Variants in CTNNA3 observed in about 807,000 individuals in gnomAD.
The protein encoded by CTNNA3 is catenin alpha-3.
Under a neutral mutation model 95.7 loss-of-function variants are expected in CTNNA3, and 76 were observed. The ratio of observed to expected loss-of-function variants is 0.79; its 90% CI spans 0.66 to 0.96. The LOEUF is 0.96. CTNNA3 is among the 40% of genes least tolerant of loss of function. CTNNA3 has a pLI of 0.00. For missense variants in CTNNA3, 1,191 were observed against 1,089.8 expected (o/e 1.09, Z -1.31); for synonymous variants, 431 against 374.4 (o/e 1.15, Z -1.74).
intron 12 of CTNNA3, among the ~76,000 whole-genome samples, chr10:66,337,368 A>G (rs191188949): frequency 4.1e-4 from 63 of 152,238 alleles, no homozygotes; most frequent in African/African-American, 1.4e-3. Flanking sequence ...ATTTGGAAGA[A>G]TAGCAACTAC....
chr10:66,659,670 T>A (rs1332761137), intron 9 of CTNNA3, among the ~76,000 whole-genome samples: 1 of 152,094 alleles, frequency 6.6e-6, no homozygotes, highest in Non-Finnish European at 1.5e-5. Flanking sequence ...ATGAATGGGA[T>A]TAGTGGCTTT....
At chr10:67,120,782 A>T (rs565139687) in intron 7 of CTNNA3, among the ~76,000 whole-genome samples, 1 of 152,138 alleles carries the variant, frequency 6.6e-6, no homozygotes, top group Non-Finnish European at 1.5e-5. Flanking sequence ...AAGAAAAGTT[A>T]TCCTGTTTTG....
At chr10:67,673,672 T>G (rs1431659534) in intron 1 of CTNNA3, among the ~76,000 whole-genome samples, 3 of 149,854 alleles carry the variant, frequency 2.0e-5, no homozygotes, top group Admixed American at 2.0e-4. Context: ...TTTATTGATT[T>G]GCGTATGTTG....
rs927605119 is a variant in CTNNA3, at chr10:67,489,805, T to TATATATATATATATATAC, written c.579+32036_579+32037insGTATATATATATATATAT. The stretch of plus-strand genomic sequence containing the variant: ...ACATGATTTTATATATATATATATA[T>TATATATATATATATATAC]ACACACATTAGGTGTGTGTATATAC... On this transcript the variant is annotated intron_variant, in intron 5 of 17. Coordinates refer to ENST00000433211, the MANE Select transcript of CTNNA3 (RefSeq NM_013266.4). Among the ~76,000 whole-genome samples, 118 of 148,944 alleles carry TATATATATATATATATAC rather than the reference T, an allele frequency of 7.9e-4. 1 individual carries two copies. Among genetic ancestry groups the TATATATATATATATATAC allele is most frequent in the African/African-American group, 2.8e-3 (114 of 40,098 alleles).
At position 65,914,785 on chromosome 10, in the gene CTNNA3, A is replaced by T. The variant is rs2076986182; in HGVS notation, c.*5545T>A. On this transcript the variant is annotated 3_prime_UTR_variant, in exon 18 of 18. Transcript: ENST00000433211. ...GTAATTTGGCAAAGGTTGTCCTCTT[A>T]TTTCAGATCACGTAAATAACTTACT... The T allele has an allele frequency of 6.6e-6, 1 of 152,166 alleles. No individual in the cohort carries two copies. The highest frequency in any genetic ancestry group is 2.4e-5 in the African/African-American group (1 of 41,444). 9.4% of individuals were successfully genotyped at this position (152,166 alleles called of 1,614,324 possible).
At chr10:66,609,816 C>G (rs1380070050) in intron 10 of CTNNA3, among the ~76,000 whole-genome samples, 4 of 152,094 alleles carry the variant, frequency 2.6e-5, no homozygotes, top group Admixed American at 2.6e-4. Flanking sequence ...CATTGCAGCA[C>G]TATTCACCAT....
intron 9 of CTNNA3, among the ~76,000 whole-genome samples, chr10:66,692,515 G>A (rs1847588739): frequency 6.6e-6 from 1 of 152,110 alleles, no homozygotes; most frequent in Non-Finnish European, 1.5e-5. Flanking sequence ...CGGGGAGAAT[G>A]GAACCAAGTT....
intron 7 of CTNNA3, among the ~76,000 whole-genome samples, chr10:67,031,240 C>A (rs1853707814): frequency 6.6e-6 from 1 of 151,954 alleles, no homozygotes; most frequent in Admixed American, 6.6e-5. Context: ...TGTCTAGGTC[C>A]TTTCCTAGTA....
At chr10:66,072,927 AT>A in intron 14 of CTNNA3, among the ~76,000 whole-genome samples, 1 of 152,316 alleles carries the variant, frequency 6.6e-6, no homozygotes, top group African/African-American at 2.4e-5. Context: ...TGTGGAATAC[AT>A]AATGGAATAC....
At chr10:66,482,066 A>G (rs1035189038) in intron 11 of CTNNA3, among the ~76,000 whole-genome samples, 1 of 152,140 alleles carries the variant, frequency 6.6e-6, no homozygotes, top group African/African-American at 2.4e-5. Flanking sequence ...GGGGAGGAAG[A>G]TATATTCTAG....
intron 9 of CTNNA3, among the ~76,000 whole-genome samples, chr10:66,748,230 G>A (rs1838967168): frequency 6.6e-6 from 1 of 152,218 alleles, no homozygotes; most frequent in Admixed American, 6.5e-5. Flanking sequence ...AAACAAAAAT[G>A]TGAGATCCAT....
intron 7 of CTNNA3, among the ~76,000 whole-genome samples, chr10:66,781,569 CA>C (rs1378293996): frequency 2.0e-5 from 3 of 152,084 alleles, no homozygotes; most frequent in African/African-American, 7.2e-5. Context: ...TGTGAAAATA[CA>C]ACTAAAACAA....
intron 7 of CTNNA3, among the ~76,000 whole-genome samples, chr10:66,969,222 A>C (rs1849593052): frequency 6.6e-6 from 1 of 152,076 alleles, no homozygotes; most frequent in African/African-American, 2.4e-5. Flanking sequence ...AAACATTCAT[A>C]CATCTATGCA....
rs33920200 is a variant in CTNNA3, at chr10:66,965,565, GTT to G, written c.1048-190043_1048-190042del. 0.025 allele frequency among the ~76,000 whole-genome samples: 3,408 copies of G among 134,666 alleles called. 333 individuals carry two copies. In the East Asian group the frequency reaches 0.36, roughly 14 times the overall value. 88.3% of individuals were successfully genotyped at this position (134,666 alleles called of 152,430 possible). ...GAAAGAAAAGAAAAAAAAAAAAGCT[GTT>G]TTTTTTTTTTTTGTAATTAAACCAA... On this transcript the variant is annotated intron_variant, in intron 7 of 17. Transcript: ENST00000433211.
rs1589294340 is a variant in CTNNA3 at position 66,822,367 on chromosome 10, G to A, written c.1048-46843C>T. 3.9e-5 allele frequency among the ~76,000 whole-genome samples: 6 copies of A among 152,112 alleles called. No individual in the cohort carries two copies. In the South Asian group the frequency reaches 1.2e-3, roughly 32 times the overall value. On this transcript the variant is annotated intron_variant, in intron 7 of 17. Coordinates refer to ENST00000433211, the MANE Select transcript of CTNNA3 (RefSeq NM_013266.4). ...AGAATCCTCATCACAGTGTCCCAGG[G>A]AGCCGCTACTGATCAATCAGGATTG... is the stretch of plus-strand genomic sequence containing the variant.
chr10:66,551,570 T>C (rs1307918004), intron 10 of CTNNA3, among the ~76,000 whole-genome samples: 1 of 152,190 alleles, frequency 6.6e-6, no homozygotes, highest in East Asian at 1.9e-4. Context: ...TTGTTTCTTG[T>C]ATTGTTACAT....
At chr10:67,129,457 CACAA>C (rs1325543933) in intron 7 of CTNNA3, among the ~76,000 whole-genome samples, 2 of 152,154 alleles carry the variant, frequency 1.3e-5, no homozygotes, top group South Asian at 2.1e-4. Context: ...GCTTATTAAC[CACAA>C]ACAGTTATGA....
chr10:67,327,141 T>C (rs1478776957), intron 5 of CTNNA3, among the ~76,000 whole-genome samples: 1 of 152,206 alleles, frequency 6.6e-6, no homozygotes, highest in Non-Finnish European at 1.5e-5. Flanking sequence ...TATCATGATT[T>C]TTAGCTTCCT....
intron 4 of CTNNA3, among the ~76,000 whole-genome samples, chr10:67,536,483 C>A (rs1250273235): frequency 1.2e-4 from 18 of 152,118 alleles, no homozygotes; most frequent in Admixed American, 1.2e-3. Flanking sequence ...GAGAGTCTTT[C>A]TACGTCAGGT....
Sources: gnomAD v4.1 joint callset for allele counts (sites outside exome capture counted in the v4.1 genomes callset) on GRCh38, gnomAD v4.1.1 for gene constraint, MANE v1.5 for transcripts, NCBI Gene and HGNC (gene_info 2026-07-23, HGNC 2026-07-21) for gene names.